The following BCKDHB variants were observed in gnomAD, a reference collection of about 807,000 sequenced individuals.
BCKDHB encodes branched chain keto acid dehydrogenase E1 subunit beta, also known as 2-oxoisovalerate dehydrogenase subunit beta, mitochondrial.
Under a neutral mutation model 48.5 loss-of-function variants are expected in BCKDHB, and 41 were observed. The observed-to-expected ratio is 0.85, with a 90% confidence interval of 0.66 to 1.10. The LOEUF (loss-of-function observed/expected upper bound fraction) is 1.10, where lower values mean the gene tolerates loss of function less well. Ranked by LOEUF, BCKDHB falls within the 50% of genes least tolerant of loss-of-function variation. BCKDHB has a pLI of 0.00. For synonymous variants in BCKDHB, 201 were observed against 174.8 expected, an observed-to-expected ratio of 1.15 and a Z score of -1.18; for missense variants, 496 against 494.2, an observed-to-expected ratio of 1.00 and a Z score of -0.03.
the BCKDHB span, among the ~76,000 whole-genome samples, chr6:80,391,252 T>C: frequency 6.6e-6 from 1 of 152,090 alleles, no homozygotes; most frequent in South Asian, 2.1e-4. Context: ...TGTAGTGGGT[T>C]GAATGGTGTC....
chr6:80,168,118 TCTACAAAAA>T (rs1350336117), intron 4 of BCKDHB, among the ~76,000 whole-genome samples: 1 of 151,828 alleles, frequency 6.6e-6, no homozygotes, highest in Non-Finnish European at 1.5e-5. Flanking sequence ...AGAACCCATA[TCTACAAAAA>T]CTACAAAAAT....
At chr6:80,123,786 C>A (rs558157759) in intron 1 of BCKDHB, among the ~76,000 whole-genome samples, 3 of 152,030 alleles carry the variant, frequency 2.0e-5, no homozygotes, top group African/African-American at 7.2e-5. Flanking sequence ...TCTCTGTTTT[C>A]TTCTTTATTA....
At chr6:80,401,413 G>C in the BCKDHB span, among the ~76,000 whole-genome samples, 1 of 151,436 alleles carries the variant, frequency 6.6e-6, no homozygotes, top group Non-Finnish European at 1.5e-5. Context: ...TTTGTGTTTA[G>C]AACATTTAAC....
chr6:80,221,670 AATG>A (rs1334606630), intron 8 of BCKDHB, among the ~76,000 whole-genome samples: 1 of 152,144 alleles, frequency 6.6e-6, no homozygotes, highest in African/African-American at 2.4e-5. Context: ...GAATGAAAAA[AATG>A]ATAGCAGACA....
the BCKDHB span, among the ~76,000 whole-genome samples, chr6:80,444,976 A>T: frequency 2.0e-5 from 3 of 152,324 alleles, no homozygotes; most frequent in South Asian, 4.1e-4. Context: ...AGATGGCCTC[A>T]AATTCTCAAG....
At chr6:80,193,563 TA>T (rs550378582) in intron 6 of BCKDHB, among the ~76,000 whole-genome samples, 2 of 151,482 alleles carry the variant, frequency 1.3e-5, no homozygotes, top group Non-Finnish European at 2.9e-5. Context: ...TACTAAAAAA[TA>T]AAAAAACTAG....
the BCKDHB span, among the ~76,000 whole-genome samples, chr6:80,373,718 A>G: frequency 6.6e-6 from 1 of 152,020 alleles, no homozygotes; most frequent in Non-Finnish European, 1.5e-5. Flanking sequence ...TGGGATTGTG[A>G]TACTTTCCTG....
chr6:80,388,417 C>T, the BCKDHB span, among the ~76,000 whole-genome samples: 1 of 152,160 alleles, frequency 6.6e-6, no homozygotes, highest in Non-Finnish European at 1.5e-5. Context: ...AGAGACAGCT[C>T]CTGGCCTGTT....
chr6:80,251,676 AT>A (rs1776844120), intron 8 of BCKDHB: 1 of 152,196 alleles, frequency 6.6e-6, no homozygotes, highest in Non-Finnish European at 1.5e-5. Context: ...ATAAAAAATT[AT>A]TCTTAGGGTC....
chr6:80,307,871 T>C, intron 9 of BCKDHB: 3 of 973,432 alleles, frequency 3.1e-6, no homozygotes, highest in Non-Finnish European at 3.7e-6. Flanking sequence ...CAAATGCAAC[T>C]TCAAATAATT....
At chr6:80,424,023 A>G in the BCKDHB span, among the ~76,000 whole-genome samples, 4 of 152,242 alleles carry the variant, frequency 2.6e-5, no homozygotes, top group Non-Finnish European at 5.9e-5. Context: ...TGATAGAGGC[A>G]TGAAACATCT....
intron 9 of BCKDHB, among the ~76,000 whole-genome samples, chr6:80,315,892 A>G (rs1414589982): frequency 6.6e-6 from 1 of 152,230 alleles, no homozygotes; most frequent in East Asian, 1.9e-4. Context: ...GCATATAGTA[A>G]GCACAGAATA....
At chr6:80,394,870 T>TG in the BCKDHB span, among the ~76,000 whole-genome samples, 1 of 152,180 alleles carries the variant, frequency 6.6e-6, no homozygotes, top group African/African-American at 2.4e-5. Context: ...ATTATGGCGT[T>TG]GGTTACCCTA....
intron 3 of BCKDHB, among the ~76,000 whole-genome samples, chr6:80,149,747 A>G (rs1243800180): frequency 3.4e-5 from 5 of 149,216 alleles, no homozygotes; most frequent in Non-Finnish European, 5.9e-5. Flanking sequence ...CAAACACCAC[A>G]TATTCTCACT....
chr6:80,293,036 T>G (rs1767015757), intron 9 of BCKDHB, among the ~76,000 whole-genome samples: 1 of 152,234 alleles, frequency 6.6e-6, no homozygotes, highest in African/African-American at 2.4e-5. Context: ...CCTGGCCACT[T>G]TCTCAGGCTG....
chr6:80,269,467 G>A (rs375334887), intron 8 of BCKDHB, among the ~76,000 whole-genome samples: 2 of 152,042 alleles, frequency 1.3e-5, no homozygotes, highest in African/African-American at 4.8e-5. Context: ...TTGTTTTATG[G>A]TAGAGGAGTT....
chr6:80,268,730 CAACTT>C (rs1049096805), intron 8 of BCKDHB, among the ~76,000 whole-genome samples: 18 of 152,228 alleles, frequency 1.2e-4, no homozygotes, highest in African/African-American at 4.1e-4. Flanking sequence ...CCTAGAATAA[CAACTT>C]AACAGTTTTC....
rs76274779 is a variant in BCKDHB at position 80,224,410 on chromosome 6, T to A, written c.951+21198T>A. Among the ~76,000 whole-genome samples the A allele has an allele frequency of 9.2e-3, 1,405 of 152,086 alleles. 30 individuals are homozygous for A. Among genetic ancestry groups the A allele is most frequent in the African/African-American group, 0.032 (1,336 of 41,476 alleles). On this transcript the variant is annotated intron_variant, in intron 8 of 9. Coordinates refer to ENST00000320393, the MANE Select transcript of BCKDHB (RefSeq NM_183050.4). ...AGATTTTTTTCTTTCCTTTTTTTTT[T>A]AAAACAAGGTCTCACTGTGTTGCAC...
the BCKDHB span, among the ~76,000 whole-genome samples, chr6:80,391,577 G>A: frequency 6.6e-5 from 10 of 152,286 alleles, 1 homozygote; most frequent in South Asian, 1.9e-3. Context: ...TAGAGGAAAT[G>A]CAGCCAAGCT....
Sources: allele counts gnomAD v4.1 joint callset (sites outside exome capture counted in the v4.1 genomes callset), GRCh38; gene constraint gnomAD v4.1.1; transcripts MANE v1.5; gene names NCBI Gene and HGNC (gene_info 2026-07-23, HGNC 2026-07-21).